The following AGO2 variants were observed in gnomAD, a reference collection of about 807,000 sequenced individuals.
AGO2 encodes protein argonaute-2.
A neutral mutation model predicts 102.3 loss-of-function variants in AGO2; 5 were observed. That is an observed-to-expected ratio of 0.05 (90% confidence interval 0.03 to 0.10). AGO2 has a LOEUF of 0.10. Ranked by LOEUF, AGO2 falls within the 10% of genes least tolerant of loss-of-function variation. AGO2 has a pLI of 1.00. For missense variants in AGO2, 541 were observed against 1,183.7 expected, an observed-to-expected ratio of 0.46 and a Z score of 7.97; for synonymous variants, 449 against 473.1, an observed-to-expected ratio of 0.95 and a Z score of 0.66.
At position 140,594,088 on chromosome 8, in the gene AGO2, G is replaced by C. The variant is rs539565802; in HGVS notation, c.23-8777C>G. ...CGATGCCACTCACCCTACACTGCCT[G>C]AGCACCTCCTACTCCTGCTCTCAGG... On this transcript the variant is annotated intron_variant, in intron 1 of 18. Transcript: ENST00000220592. Among the ~76,000 whole-genome samples the C allele has an allele frequency of 3.3e-5, 5 of 152,236 alleles. No homozygotes were observed. The South Asian group carries it at 1.0e-3, about 32-fold the overall frequency.
chr8:140,584,050 C>T (rs763936582), intron 2 of AGO2, among the ~76,000 whole-genome samples: 4 of 151,428 alleles, frequency 2.6e-5, no homozygotes, highest in Non-Finnish European at 4.4e-5. Context: ...GGTTCTGTCG[C>T]TCCGGAGGAT....
rs1307979005 is a variant in AGO2 at position 140,522,729 on chromosome 8, GAGAGA to G, written c.*9310_*9314del. ...GGGAGGGGGAGGGGGGAGAGGGGGA[GAGAGA>G]GAGAGAGAGAGAGAGGTGTATCACT... On this transcript the variant is annotated 3_prime_UTR_variant, in exon 19 of 19. Transcript: ENST00000220592. 6.8e-6 allele frequency: 1 copy of G among 146,350 alleles called. No individual in the cohort carries two copies. The highest frequency in any genetic ancestry group is 2.5e-5 in the African/African-American group (1 of 40,108). 9.1% of individuals were successfully genotyped at this position (146,350 alleles called of 1,614,324 possible).
At chr8:140,587,924 T>C (rs1295758445) in intron 1 of AGO2, among the ~76,000 whole-genome samples, 2 of 152,136 alleles carry the variant, frequency 1.3e-5, no homozygotes, top group African/African-American at 4.8e-5. Context: ...TCCCACTGCC[T>C]GTCCAACAGC....
chr8:140,584,472 A>G (rs1425395764), intron 2 of AGO2, among the ~76,000 whole-genome samples: 1 of 152,208 alleles, frequency 6.6e-6, no homozygotes, highest in African/African-American at 2.4e-5. Context: ...CGGCCCAGCA[A>G]TTCTACTCCT....
rs919711807 is a variant in AGO2 at position 140,539,576 on chromosome 8, G to T, written c.2035-122C>A. The T allele has an allele frequency of 1.7e-6, 2 of 1,203,182 alleles. No homozygotes were observed. The highest frequency in any genetic ancestry group is 2.3e-6 in the Non-Finnish European group (2 of 863,698). The allele number at this position is 1,203,182 out of a possible 1,614,324, so 74.5% of individuals were successfully genotyped here. ...GGTGATTCTGAGAGACAATGAGTGT[G>T]TTCACGGGGAGGTGAAAACACGGGG... On this transcript the variant is annotated intron_variant, in intron 15 of 18. Transcript: ENST00000220592. The surrounding 1 kb of genome is among the most constrained non-coding windows in gnomAD (Gnocchi z 4.7).
chr8:140,577,826 C>T (rs777987635), intron 2 of AGO2, among the ~76,000 whole-genome samples: 3 of 152,226 alleles, frequency 2.0e-5, no homozygotes, highest in South Asian at 2.1e-4. Context: ...TTCACTGTTC[C>T]GAGCCCCATC....
In AGO2 at chr8:140,557,589, G is replaced by A. The variant is rs76475291; in HGVS notation, c.879-353C>T. On this transcript the variant is annotated intron_variant, in intron 7 of 18. Coordinates refer to ENST00000220592, the MANE Select transcript of AGO2 (RefSeq NM_012154.5). The surrounding 1 kb of genome is among the most constrained non-coding windows in gnomAD (Gnocchi z 5.9). ...ACCCTGGAAGCCTTTTACGTGCCGC[G>A]CGCTCCCGGTGCCCAGAAGGCCTGA... is the stretch of plus-strand genomic sequence containing the variant. Among the ~76,000 whole-genome samples, 2,505 of 152,302 alleles carry A rather than the reference G, an allele frequency of 0.016. 70 individuals are homozygous for A. Among genetic ancestry groups the A allele is most frequent in the African/African-American group, 0.056 (2,324 of 41,542 alleles).
intron 1 of AGO2, chr8:140,592,956 CCTGGGCAG>C: frequency 6.6e-6 from 1 of 152,478 alleles, no homozygotes; most frequent in Non-Finnish European, 1.5e-5. Flanking sequence ...AGCCAGGGCA[CCTGGGCAG>C]CAGACCACAG....
chr8:140,554,131 G>A (rs1420491533), intron 10 of AGO2, among the ~76,000 whole-genome samples: 2 of 152,260 alleles, frequency 1.3e-5, no homozygotes, highest in Non-Finnish European at 2.9e-5. Context: ...CAGCAGGGCT[G>A]TGAAGCGGTG....
At chr8:140,592,598 C>T (rs2073760518) in intron 1 of AGO2, 1 of 152,218 alleles carries the variant, frequency 6.6e-6, no homozygotes, top group Non-Finnish European at 1.5e-5. Flanking sequence ...CATAAGGTAT[C>T]CATAGGAAGG....
chr8:140,544,242 C>A lies in AGO2; in HGVS notation c.1810G>T (p.Gly604Trp). 6.3e-7 allele frequency: 1 copy of A among 1,595,370 alleles called. No individual in the cohort carries two copies. Among genetic ancestry groups the A allele is most frequent in the Non-Finnish European group, 8.5e-7 (1 of 1,173,074 alleles). ...LGADVTHPPA[G>W]DGKKPSIAAV... is the part of the protein sequence containing the mutation. ...GCAATGGAGGGCTTCTTCCCATCCC[C>A]GGCGGGGGGGTGAGTGACGTCTGCT... The change falls in exon 14 of 19, where the codon GGG (glycine) becomes TGG (tryptophan). Residue 604 changes from glycine to tryptophan, a missense_variant. Physicochemically the swap from Gly to Trp is radical, Grantham distance 184 (BLOSUM62 -2). This residue lies in a region of AGO2 where 309 missense variants were observed against 735.1 expected (regional missense o/e 0.42). Coordinates refer to ENST00000220592, the MANE Select transcript of AGO2 (RefSeq NM_012154.5).
upstream of AGO2, among the ~76,000 whole-genome samples, chr8:140,636,129 G>A (rs1293319888): frequency 2.0e-5 from 3 of 151,510 alleles, no homozygotes; most frequent in African/African-American, 7.3e-5. Context: ...GGCTCTTTAA[G>A]TTACTACAGA....
chr8:140,632,906 CTT>C (rs56679517), intron 1 of AGO2, among the ~76,000 whole-genome samples: 4 of 142,574 alleles, frequency 2.8e-5, no homozygotes, highest in Non-Finnish European at 3.1e-5. Flanking sequence ...TTTTTCTTTT[CTT>C]TTTTTTTTTT....
intron 1 of AGO2, among the ~76,000 whole-genome samples, chr8:140,586,763 C>T (rs1470529915): frequency 1.3e-5 from 2 of 152,198 alleles, no homozygotes; most frequent in African/African-American, 4.8e-5. Context: ...CTTGCCAACA[C>T]GTGGCCCTGT....
At chr8:140,606,552 GA>G (rs1268022381) in intron 1 of AGO2, among the ~76,000 whole-genome samples, 3 of 152,232 alleles carry the variant, frequency 2.0e-5, no homozygotes, top group Non-Finnish European at 4.4e-5. Flanking sequence ...AGCACAATGT[GA>G]AAAGAACAGC....
At chr8:140,633,795 T>A (rs974839062) in intron 1 of AGO2, among the ~76,000 whole-genome samples, 13 of 152,194 alleles carry the variant, frequency 8.5e-5, no homozygotes, top group African/African-American at 2.9e-4. Flanking sequence ...GTGACCTTGG[T>A]GAAGTTCTCA....
chr8:140,544,087 C>T (rs878935165), intron 14 of AGO2, 126 bp downstream of exon 14: 1 of 1,027,404 alleles, frequency 9.7e-7, no homozygotes, highest in South Asian at 1.8e-5. Flanking sequence ...CCCGGCCGTC[C>T]CTACCGCAGC....
At chr8:140,551,634 A>T (rs1014202522) in intron 10 of AGO2, among the ~76,000 whole-genome samples, 198 bp from the exon 11 acceptor site, 1 of 66,912 alleles carries the variant, frequency 1.5e-5, no homozygotes, top group African/African-American at 5.7e-5. Context: ...GGCTGGTGGA[A>T]GATGGGTGGG....
intron 2 of AGO2, 34 bp from the exon 3 acceptor site, chr8:140,572,966 A>C: frequency 4.4e-6 from 7 of 1,583,724 alleles, no homozygotes; most frequent in Non-Finnish European, 6.0e-6. Flanking sequence ...CAAAATGTCA[A>C]TAAAATGGAG....
Sources: allele counts gnomAD v4.1 joint callset (sites outside exome capture counted in the v4.1 genomes callset), GRCh38; gene constraint gnomAD v4.1.1; regional missense constraint gnomAD v4.1.1; non-coding constraint Gnocchi (gnomAD v3.1); transcripts MANE v1.5; gene names NCBI Gene and HGNC (gene_info 2026-07-23, HGNC 2026-07-21).